RGS20: variants seen among roughly 807,000 people sequenced by gnomAD.
RGS20 encodes the protein regulator of G protein signaling 20.
In RGS20, 30 loss-of-function variants were observed where a neutral mutation model predicts 33.6. The observed-to-expected ratio is 0.89, with a 90% confidence interval of 0.67 to 1.21. RGS20 has a LOEUF of 1.21. RGS20 is among the 50% of genes most tolerant of loss of function. The probability of loss-of-function intolerance (pLI) is 0.00; values close to 1 mark genes in which losing one functional copy is unlikely to be tolerated. For missense variants in RGS20, 472 were observed against 502.4 expected, an observed-to-expected ratio of 0.94 and a Z score of 0.58; for synonymous variants, 208 against 197.9, an observed-to-expected ratio of 1.05 and a Z score of -0.43.
intron 1 of RGS20, among the ~76,000 whole-genome samples, chr8:53,867,987 A>G (rs1201976174): frequency 6.6e-6 from 1 of 152,136 alleles, no homozygotes; most frequent in Non-Finnish European, 1.5e-5. Context: ...AGCCTCCCAA[A>G]GTGCTGAGAT....
Position 53,946,712 on chromosome 8 carries a change from A to G in RGS20, c.707A>G (p.His236Arg), listed in dbSNP as rs778451806. The change falls in exon 4 of 6, where the codon CAC (histidine) becomes CGC (arginine). Residue 236 changes from histidine to arginine, a missense_variant. His to Arg is a conservative substitution (Grantham distance 29). Around this residue, in one of 3 missense-constraint regions of RGS20, gnomAD observed 319 missense variants for 283.4 expected, o/e 1.13. Coordinates refer to ENST00000297313, the MANE Select transcript of RGS20 (RefSeq NM_170587.4). Reference sequence around the variant, plus strand: ...GATCAGAGGCCCACAATAGCTTCCCACGAACTCAGAGCAGATCTTCCAACC... The same window carrying G: ...GATCAGAGGCCCACAATAGCTTCCCGCGAACTCAGAGCAGATCTTCCAACC... The G allele has an allele frequency of 1.2e-6, 2 of 1,613,390 alleles. No homozygotes were observed. Among genetic ancestry groups the G allele is most frequent in the South Asian group, 1.1e-5 (1 of 90,900 alleles).
chr8:53,957,580 G>T (rs1485505963), intron 5 of RGS20, among the ~76,000 whole-genome samples: 1 of 152,242 alleles, frequency 6.6e-6, no homozygotes, highest in South Asian at 2.1e-4. Context: ...CAGCCCCCAC[G>T]TTACAAGGAA....
At chr8:53,915,081 T>C (rs752483445) in intron 2 of RGS20, among the ~76,000 whole-genome samples, 1 of 151,810 alleles carries the variant, frequency 6.6e-6, no homozygotes, top group Non-Finnish European at 1.5e-5. Context: ...GGAGGCGAGG[T>C]TGCAGTGAGC....
chr8:53,855,479 G>C (rs1302587723), intron 1 of RGS20, among the ~76,000 whole-genome samples: 1 of 152,206 alleles, frequency 6.6e-6, no homozygotes, highest in Non-Finnish European at 1.5e-5. Flanking sequence ...ATACTTTAAA[G>C]GGAGCCTGGT....
intron 2 of RGS20, among the ~76,000 whole-genome samples, chr8:53,898,902 G>A (rs1264429446): frequency 6.6e-6 from 1 of 152,210 alleles, no homozygotes; most frequent in Admixed American, 6.5e-5. Context: ...GCCTATGAAA[G>A]AAAACACTGA....
At chr8:53,915,421 T>C (rs1428396739) in intron 2 of RGS20, among the ~76,000 whole-genome samples, 1 of 151,760 alleles carries the variant, frequency 6.6e-6, no homozygotes, top group Non-Finnish European at 1.5e-5. Flanking sequence ...CAGTCTTTCT[T>C]CTACAGGGAT....
chr8:53,874,397 T>C (rs1170147658), intron 1 of RGS20, among the ~76,000 whole-genome samples: 1 of 130,176 alleles, frequency 7.7e-6, no homozygotes, highest in African/African-American at 3.3e-5. Context: ...TGTGTGTGTG[T>C]GTGTGCGCGC....
chr8:53,884,122 A>ATATTTTTG (rs961969958), intron 2 of RGS20, among the ~76,000 whole-genome samples: 1 of 151,634 alleles, frequency 6.6e-6, no homozygotes, highest in Non-Finnish European at 1.5e-5. Context: ...AACAGAATGC[A>ATATTTTTG]TATTTTTGTA....
intron 1 of RGS20, among the ~76,000 whole-genome samples, chr8:53,871,624 AAAT>A (rs141887826): frequency 0.14 from 20,713 of 148,524 alleles, 3,136 homozygotes; most frequent in African/African-American, 0.37. Flanking sequence ...CTCAAAAAAA[AAAT>A]AATAATAATA....
In RGS20 at chr8:53,871,552, G is replaced by A. The variant is rs551156647; in HGVS notation, c.166-7706G>A. On this transcript the variant is annotated intron_variant, in intron 1 of 5. Coordinates refer to ENST00000297313, the MANE Select transcript of RGS20 (RefSeq NM_170587.4). ...GAATCGCTTGACCCTGAGAGGCAGA[G>A]GTTGCAGTGAGTTGAGATCATGCCA... 1.4e-4 allele frequency among the ~76,000 whole-genome samples: 22 copies of A among 152,110 alleles called. No individual in the cohort carries two copies. The South Asian group carries it at 4.4e-3, about 30-fold the overall frequency.
intron 5 of RGS20, among the ~76,000 whole-genome samples, chr8:53,956,830 T>G (rs1302427133): frequency 6.6e-6 from 1 of 152,104 alleles, no homozygotes; most frequent in Non-Finnish European, 1.5e-5. Context: ...GCAAGGTTTT[T>G]CATCAATCTT....
intron 1 of RGS20, among the ~76,000 whole-genome samples, chr8:53,869,265 T>C (rs1384462998): frequency 6.6e-6 from 1 of 152,156 alleles, no homozygotes; most frequent in Non-Finnish European, 1.5e-5. Flanking sequence ...ATATAAAAAG[T>C]GGGGAGAAAG....
chr8:53,879,523 G>T lies in RGS20; in HGVS notation c.431G>T (p.Gly144Val). 6 of 1,542,832 alleles carry T rather than the reference G, an allele frequency of 3.9e-6. No homozygotes were observed. The highest frequency in any genetic ancestry group is 1.4e-5 in the African/African-American group (1 of 71,880). Residue 144 changes from glycine to valine, a missense_variant, in exon 2 of 6, where the codon GGT (glycine) becomes GTT (valine). Physicochemically the swap from Gly to Val is moderately radical, Grantham distance 109 (BLOSUM62 -3). Transcript: ENST00000297313. Reference sequence around the variant, plus strand: ...GCACTGCCCGGCCGACCCTCGGGGGGTCGTCCGCTGAGGCCCCCCCATCCG... The same window carrying T: ...GCACTGCCCGGCCGACCCTCGGGGGTTCGTCCGCTGAGGCCCCCCCATCCG...
rs879613423 is a variant in RGS20, at chr8:53,958,649, GA to G, written c.*202del. 0.021 allele frequency: 5,539 copies of G among 269,010 alleles called. 29 individuals carry two copies. Among genetic ancestry groups the G allele is most frequent in the Middle Eastern group, 0.037 (34 of 912 alleles). 16.7% of individuals were successfully genotyped at this position (269,010 alleles called of 1,614,324 possible). ...TGCAGCCACCTTTAGTGATACTTTT[GA>G]AAAAAAAAAATAAAGGGATATGGCT... On this transcript the variant is annotated 3_prime_UTR_variant, in exon 6 of 6. Coordinates refer to ENST00000297313, the MANE Select transcript of RGS20 (RefSeq NM_170587.4).
chr8:53,878,065 C>G (rs539314561), intron 1 of RGS20, among the ~76,000 whole-genome samples: 40 of 152,354 alleles, frequency 2.6e-4, no homozygotes, highest in Admixed American at 8.5e-4. Flanking sequence ...GCGCTCGCCT[C>G]CCGCGCCTCA....
At chr8:53,883,800 G>T (rs957728131) in intron 2 of RGS20, among the ~76,000 whole-genome samples, 1 of 152,070 alleles carries the variant, frequency 6.6e-6, no homozygotes, top group African/African-American at 2.4e-5. Flanking sequence ...CAAAAAATTA[G>T]CCGGGTGTGG....
rs190143016 is a variant in RGS20, at chr8:53,863,496, C to T, written c.165+11432C>T. Among the ~76,000 whole-genome samples the T allele has an allele frequency of 2.3e-4, 35 of 152,286 alleles. No homozygotes were observed. The East Asian group carries it at 3.3e-3, about 14-fold the overall frequency. On this transcript the variant is annotated intron_variant, in intron 1 of 5. Coordinates refer to ENST00000297313, the MANE Select transcript of RGS20 (RefSeq NM_170587.4). ...TGGTGGAAATCCAAGCACTGCAGCA[C>T]TTCGAACCAGTGCGACTTGAGGCTC...
intron 2 of RGS20, among the ~76,000 whole-genome samples, chr8:53,937,291 T>TAATA (rs1554523940): frequency 9.7e-4 from 147 of 151,364 alleles, no homozygotes; most frequent in East Asian, 5.0e-3. Context: ...TAAAGTATAA[T>TAATA]AATAAATAAA....
intron 2 of RGS20, among the ~76,000 whole-genome samples, chr8:53,931,679 C>G (rs1353588115): frequency 6.6e-6 from 1 of 152,196 alleles, no homozygotes; most frequent in African/African-American, 2.4e-5. Flanking sequence ...TGGGTGACTT[C>G]TGCATTTCCA....
Sources: gnomAD v4.1 joint callset for allele counts (sites outside exome capture counted in the v4.1 genomes callset) on GRCh38, gnomAD v4.1.1 for gene constraint, gnomAD v4.1.1 regional missense constraint, MANE v1.5 for transcripts, NCBI Gene and HGNC (gene_info 2026-07-23, HGNC 2026-07-21) for gene names.